The following CABIN1 variants were observed in gnomAD, a reference collection of about 807,000 sequenced individuals.
The protein encoded by CABIN1 is calcineurin binding protein 1, also known as calcineurin-binding protein cabin-1.
Under a neutral mutation model 227.7 loss-of-function variants are expected in CABIN1, and 133 were observed. The ratio of observed to expected loss-of-function variants is 0.58; its 90% CI spans 0.51 to 0.67. CABIN1 has a LOEUF of 0.67. Ranked by LOEUF, CABIN1 falls within the 30% of genes least tolerant of loss-of-function variation. The probability of loss-of-function intolerance (pLI) is 0.00; values close to 1 mark genes in which losing one functional copy is unlikely to be tolerated. For missense variants in CABIN1, 2,408 were observed against 2,852.5 expected (o/e 0.84, Z 3.55); for synonymous variants, 1,086 against 1,155.1 (o/e 0.94, Z 1.21).
At chr22:24,019,937 G>C (rs997121506) in intron 1 of CABIN1, among the ~76,000 whole-genome samples, 1 of 151,812 alleles carries the variant, frequency 6.6e-6, no homozygotes, top group Non-Finnish European at 1.5e-5. Flanking sequence ...GATTACAGGC[G>C]TGAGTCACTG....
At chr22:24,138,436 G>A (rs938962032) in intron 29 of CABIN1, among the ~76,000 whole-genome samples, 41 of 152,208 alleles carry the variant, frequency 2.7e-4, no homozygotes, top group African/African-American at 9.9e-4. Context: ...AACACCTGGA[G>A]ATGGTGTCAG....
chr22:24,015,270 CAAAAAA>C (rs1199906542), intron 1 of CABIN1, among the ~76,000 whole-genome samples: 1 of 50,690 alleles, frequency 2.0e-5, no homozygotes, highest in African/African-American at 8.0e-5. Flanking sequence ...AATCCATCTC[CAAAAAA>C]AAAAAAAAAA....
chr22:24,136,739 G>GCACACACACGCA (rs1555977755), intron 29 of CABIN1, among the ~76,000 whole-genome samples: 2 of 139,722 alleles, frequency 1.4e-5, no homozygotes, highest in East Asian at 4.2e-4. Flanking sequence ...ACACACACAC[G>GCACACACACGCA]CACACACACA....
intron 1 of CABIN1, among the ~76,000 whole-genome samples, chr22:24,018,220 T>A (rs1021064009): frequency 6.6e-6 from 1 of 152,208 alleles, no homozygotes; most frequent in African/African-American, 2.4e-5. Flanking sequence ...TGGTATATGT[T>A]GCAAATATTT....
At chr22:24,125,295 G>C (rs1402879986) in intron 28 of CABIN1, among the ~76,000 whole-genome samples, 1 of 152,210 alleles carries the variant, frequency 6.6e-6, no homozygotes, top group Admixed American at 6.5e-5. Flanking sequence ...TTGACTTCAG[G>C]GTCAGCTGGT....
At chr22:24,122,714 A>C (rs2147976992) in intron 28 of CABIN1, among the ~76,000 whole-genome samples, 1 of 151,784 alleles carries the variant, frequency 6.6e-6, no homozygotes, top group Admixed American at 6.5e-5. Flanking sequence ...TCTAAAAAAA[A>C]ACAAAAACAA....
At chr22:24,170,202 G>A (rs2046713438) in intron 33 of CABIN1, 2 of 455,204 alleles carry the variant, frequency 4.4e-6, no homozygotes, top group Non-Finnish European at 8.9e-6. Context: ...TTCTTACCCT[G>A]GGCCCAGAGA....
At position 24,041,286 on chromosome 22, in the gene CABIN1, C is replaced by A. The variant is rs142768065; in HGVS notation, c.345+13C>A. On this transcript the variant is annotated intron_variant, in intron 5 of 36. Coordinates refer to ENST00000263119, the MANE Select transcript of CABIN1 (RefSeq NM_012295.4). ...GTTCTACTTAGAGGTGTGGTTTTGGCAGTGCTTAGCTACCTTGGTGTTTTG... is the reference window on the plus strand; with the variant it reads ...GTTCTACTTAGAGGTGTGGTTTTGGAAGTGCTTAGCTACCTTGGTGTTTTG... The A allele has an allele frequency of 5.6e-6, 9 of 1,614,036 alleles. No individual in the cohort carries two copies. The East Asian group carries it at 2.0e-4, about 36-fold the overall frequency.
intron 23 of CABIN1, among the ~76,000 whole-genome samples, chr22:24,089,316 A>G (rs1462680480): frequency 6.6e-6 from 1 of 152,198 alleles, no homozygotes; most frequent in African/African-American, 2.4e-5. Context: ...ACTGAGCTCA[A>G]GTTTCCACAT....
rs754022226 is a variant in CABIN1 at position 24,087,467 on chromosome 22, A to T, written c.3279A>T (p.Ala1093=). 10 of 1,614,052 alleles carry T rather than the reference A, an allele frequency of 6.2e-6. No individual in the cohort carries two copies. In the South Asian group the frequency reaches 6.6e-5, roughly 11 times the overall value. The part of the protein sequence containing the change: ...CICPNRFDSW[A]GMALARASRI... ...ACCACCACAGGTTTGATTCCTGGGC[A>T]GGCATGGCTCTGGCCCGGGCCAGCC... Residue 1093 remains alanine (A), a synonymous_variant, in exon 23 of 37, where the codon GCA becomes GCT. Transcript: ENST00000263119.
chr22:24,054,255 A>G (rs529443015), intron 8 of CABIN1, among the ~76,000 whole-genome samples: 8 of 152,328 alleles, frequency 5.3e-5, no homozygotes, highest in South Asian at 2.1e-4. Flanking sequence ...ACCCAACACA[A>G]CACACAACAC....
At position 24,083,234 on chromosome 22, in the gene CABIN1, G is replaced by C; in HGVS notation, c.2755G>C (p.Val919Leu). ...DGALLRFYVRVLQKELAASTS... is the reference protein window; with the variant it reads ...DGALLRFYVRLLQKELAASTS... ...TCTCTTCTGCCCACCACAGGTGCGAGTACTCCAGAAGGAACTGGCTGCATC... is the reference window on the plus strand; with the variant it reads ...TCTCTTCTGCCCACCACAGGTGCGACTACTCCAGAAGGAACTGGCTGCATC... The change falls in exon 20 of 37, where the codon GTA becomes CTA. Residue 919 changes from valine (V) to leucine (L), a missense_variant. Val to Leu is a conservative substitution (Grantham distance 32, BLOSUM62 1). Coordinates refer to ENST00000263119, the MANE Select transcript of CABIN1 (RefSeq NM_012295.4). 6.2e-7 allele frequency: 1 copy of C among 1,612,330 alleles called. No individual in the cohort carries two copies. Among genetic ancestry groups the C allele is most frequent in the East Asian group, 2.2e-5 (1 of 44,886 alleles).
intron 29 of CABIN1, among the ~76,000 whole-genome samples, chr22:24,148,566 A>G (rs1488045480): frequency 8.5e-5 from 13 of 152,222 alleles, no homozygotes; most frequent in Admixed American, 7.2e-4. Context: ...CCCAGTGTGG[A>G]CACTGCCCTG....
intron 15 of CABIN1, among the ~76,000 whole-genome samples, chr22:24,065,215 G>A (rs2039544832): frequency 6.6e-6 from 1 of 151,524 alleles, no homozygotes; most frequent in African/African-American, 2.4e-5. Context: ...CAGACGGGGC[G>A]GCTGCCGGTT....
chr22:24,141,966 C>T (rs1034542355), intron 29 of CABIN1, among the ~76,000 whole-genome samples: 7 of 152,178 alleles, frequency 4.6e-5, no homozygotes, highest in Non-Finnish European at 7.4e-5. Context: ...CACCCAATTT[C>T]TGGTACCCCA....
chr22:24,119,680 C>T lies in CABIN1; in HGVS notation c.4614C>T (p.Thr1538=). 1 of 1,614,028 alleles carries T rather than the reference C, an allele frequency of 6.2e-7. No individual in the cohort carries two copies. The highest frequency in any genetic ancestry group is 8.5e-7 in the Non-Finnish European group (1 of 1,180,028). ...KSLYRLAFLY[T]YSKTHRNLQW... ...TCTACCGTCTGGCCTTCCTCTACAC[C>T]TACAGCAAGACCCACCGGGTGAGTG... The change falls in exon 28 of 37, where the codon ACC becomes ACT. Residue 1538 remains threonine, a synonymous_variant. Coordinates refer to ENST00000263119, the MANE Select transcript of CABIN1 (RefSeq NM_012295.4).
chr22:24,059,996 AC>A lies in CABIN1; in HGVS notation c.1474del (p.Leu492Ter). 1 of 1,614,158 alleles carries A rather than the reference AC, an allele frequency of 6.2e-7. No individual in the cohort carries two copies. The highest frequency in any genetic ancestry group is 1.1e-5 in the South Asian group (1 of 91,072). On this transcript the variant is annotated frameshift_variant, in exon 12 of 37. Transcript: ENST00000263119. LOFTEE classifies it high-confidence loss of function. ...GGCATCCTGGAGCTGATGATGCGCT[AC>A]CTGAAAGCCATGGGCCACAAGTTCT... ...NGGILELMMR[Y>X]LKAMGHKFLV...
At chr22:24,059,843 T>C in intron 11 of CABIN1, 81 bp from the exon 12 acceptor site, 1 of 1,222,932 alleles carries the variant, frequency 8.2e-7, no homozygotes, top group Non-Finnish European at 1.2e-6. Flanking sequence ...GGAACAGTCT[T>C]TACTGTCCCA....
Position 24,098,168 on chromosome 22 carries a change from C to A in CABIN1, c.4093C>A (p.Pro1365Thr). 1.2e-6 allele frequency: 2 copies of A among 1,614,178 alleles called. No homozygotes were observed. Among genetic ancestry groups the A allele is most frequent in the Non-Finnish European group, 8.5e-7 (1 of 1,180,034 alleles). ...CCACGATTACGTCAAATGTAAAAAA[C>A]CCCACCAGCAGGCAACGCCGGACGG... ...IDHDYVKCKK[P>T]HQQATPDDRS... The change falls in exon 26 of 37, where the codon CCC (proline) becomes ACC (threonine). Residue 1365 changes from proline to threonine, a missense_variant. Physicochemically the swap from Pro to Thr is conservative, Grantham distance 38. This residue lies in a region of CABIN1 where 649 missense variants were observed against 910.3 expected (regional missense o/e 0.71). Coordinates refer to ENST00000263119, the MANE Select transcript of CABIN1 (RefSeq NM_012295.4).
Sources: allele counts gnomAD v4.1 joint callset (sites outside exome capture counted in the v4.1 genomes callset), GRCh38; gene constraint gnomAD v4.1.1; regional missense constraint gnomAD v4.1.1; transcripts MANE v1.5; gene names NCBI Gene and HGNC (gene_info 2026-07-23, HGNC 2026-07-21).